The following TRIM37 variants were observed in gnomAD, a reference collection of about 807,000 sequenced individuals.
TRIM37 encodes tripartite motif containing 37, also known as E3 ubiquitin-protein ligase TRIM37.
A neutral mutation model predicts 129.8 loss-of-function variants in TRIM37; 80 were observed. That is an observed-to-expected ratio of 0.62 (90% CI 0.51 to 0.74). The LOEUF (loss-of-function observed/expected upper bound fraction) is 0.74, where lower values mean the gene tolerates loss of function less well. Among genes scored for constraint, TRIM37 ranks in the 30% least tolerant of loss-of-function variants. TRIM37 has a pLI of 0.00. For synonymous variants in TRIM37, 389 were observed against 387.1 expected (o/e 1.00, Z -0.06); for missense variants, 1,054 against 1,176.5 (o/e 0.90, Z 1.52).
intron 24 of TRIM37, among the ~76,000 whole-genome samples, chr17:58,990,319 T>TA (rs2144090130): frequency 6.7e-6 from 1 of 148,944 alleles, no homozygotes; most frequent in East Asian, 2.0e-4. Context: ...GGAGAAACCC[T>TA]ATCTCTACTA....
At chr17:59,068,435 A>G (rs1344616824) in intron 9 of TRIM37, among the ~76,000 whole-genome samples, 1 of 152,236 alleles carries the variant, frequency 6.6e-6, no homozygotes, top group Non-Finnish European at 1.5e-5. Flanking sequence ...GAATTGAAAA[A>G]TACTAATTTT....
chr17:58,969,326 C>A, the TRIM37 span: 1 of 660,114 alleles, frequency 1.5e-6, no homozygotes. Flanking sequence ...ATGACATGTT[C>A]CAGTGTTCTG....
At chr17:59,025,876 G>T (rs2037195886) in intron 19 of TRIM37, among the ~76,000 whole-genome samples, 1 of 152,114 alleles carries the variant, frequency 6.6e-6, no homozygotes, top group Non-Finnish European at 1.5e-5. Context: ...TGAATAGCAG[G>T]TGAGGCCGAA....
In TRIM37 at chr17:58,998,211, G is replaced by C. The variant is rs2033196145; in HGVS notation, c.*1166C>G. On this transcript the variant is annotated 3_prime_UTR_variant, in exon 24 of 24. Transcript: ENST00000262294. Reference sequence around the variant, plus strand: ...AAACAGCAGAGGCATATTTTCTCAAGTTGATTTTATTAACAAAAAGTGCAA... The same window carrying C: ...AAACAGCAGAGGCATATTTTCTCAACTTGATTTTATTAACAAAAAGTGCAA... 2 of 985,262 alleles carry C rather than the reference G, an allele frequency of 2.0e-6. No homozygotes were observed. Among genetic ancestry groups the C allele is most frequent in the African/African-American group, 1.7e-5 (1 of 57,252 alleles). The allele number at this position is 985,262 out of a possible 1,614,324, so 61.0% of individuals were successfully genotyped here.
chr17:59,080,255 T>C (rs1293756703), intron 6 of TRIM37, among the ~76,000 whole-genome samples: 2 of 152,224 alleles, frequency 1.3e-5, no homozygotes, highest in African/African-American at 4.8e-5. Flanking sequence ...TAGTATTTCA[T>C]TCTTGGGGGC....
chr17:59,057,008 T>C lies in TRIM37; in HGVS notation c.1066A>G (p.Thr356Ala), dbSNP rs1225120200. 2 of 1,613,852 alleles carry C rather than the reference T, an allele frequency of 1.2e-6. No homozygotes were observed. The highest frequency in any genetic ancestry group is 2.7e-5 in the African/African-American group (2 of 75,028). ...EMVHQSCNDP[T>A]KNIIREFASD... ...GCAAATTCTCGAATGATATTTTTTG[T>C]AGGATCATTACAGGACTGGTGAACC... Residue 356 changes from threonine (T) to alanine (A), a missense_variant, in exon 13 of 24, where the codon ACA becomes GCA. Thr to Ala is a moderately conservative substitution (Grantham distance 58, BLOSUM62 0). This residue lies in a region of TRIM37 where 752 missense variants were observed against 870.8 expected (regional missense o/e 0.86). Coordinates refer to ENST00000262294, the MANE Select transcript of TRIM37 (RefSeq NM_015294.6).
chr17:59,045,739 G>A (rs2039724662), intron 16 of TRIM37, among the ~76,000 whole-genome samples: 1 of 152,044 alleles, frequency 6.6e-6, no homozygotes, highest in Admixed American at 6.5e-5. Context: ...AAATCGCCAG[G>A]CACAGTGGCT....
rs958297966 is a variant in TRIM37 at position 59,086,989 on chromosome 17, T to C, written c.281+1302A>G. Among the ~76,000 whole-genome samples, 3 of 152,240 alleles carry C rather than the reference T, an allele frequency of 2.0e-5. No individual in the cohort carries two copies. In the East Asian group the frequency reaches 5.8e-4, roughly 29 times the overall value. ...AAGTGTTCACCAAAGAAATGTGCCA[T>C]TGTATAGAAAAGAAATTAAATAATT... On this transcript the variant is annotated intron_variant, in intron 4 of 23. Transcript: ENST00000262294.
Position 59,106,468 on chromosome 17 carries a change from C to T in TRIM37, c.-7G>A, listed in dbSNP as rs2046011696. 2 of 1,613,922 alleles carry T rather than the reference C, an allele frequency of 1.2e-6. No individual in the cohort carries two copies. The highest frequency in any genetic ancestry group is 1.7e-6 in the Non-Finnish European group (2 of 1,179,912). ...CCACGCTCTGTTCATCCATTGCCTCCGGCTCTCGGCGGGGCCGCTGGCGAC... is the reference window on the plus strand; with the variant it reads ...CCACGCTCTGTTCATCCATTGCCTCTGGCTCTCGGCGGGGCCGCTGGCGAC... On this transcript the variant is annotated 5_prime_UTR_variant, in exon 1 of 24. Transcript: ENST00000262294.
At chr17:59,000,814 C>T (rs192934746) in intron 23 of TRIM37, among the ~76,000 whole-genome samples, 1 of 152,160 alleles carries the variant, frequency 6.6e-6, no homozygotes, top group African/African-American at 2.4e-5. Flanking sequence ...AAAACCCAAA[C>T]ATCTGAAATC....
chr17:59,057,955 G>C (rs1032985522), intron 12 of TRIM37, among the ~76,000 whole-genome samples: 2 of 152,086 alleles, frequency 1.3e-5, no homozygotes, highest in Non-Finnish European at 2.9e-5. Flanking sequence ...GAATAAACAA[G>C]TAATTCAAAG....
intron 13 of TRIM37, among the ~76,000 whole-genome samples, chr17:59,055,359 A>T (rs1432074901): frequency 3.1e-5 from 4 of 131,050 alleles, no homozygotes; most frequent in Admixed American, 8.0e-5. Flanking sequence ...AAAAAAAAAA[A>T]TTGATGGTTT....
chr17:59,005,388 A>G (rs2144665691), intron 22 of TRIM37, among the ~76,000 whole-genome samples: 2 of 152,176 alleles, frequency 1.3e-5, no homozygotes, highest in Middle Eastern at 3.4e-3. Flanking sequence ...GGTTCAAGCA[A>G]TTCTCCTGTC....
In TRIM37 at chr17:59,057,007, G is replaced by C. The variant is rs368037486; in HGVS notation, c.1067C>G (p.Thr356Arg). The change falls in exon 13 of 24, where the codon ACA becomes AGA. Residue 356 changes from threonine (T) to arginine (R), a missense_variant. Thr to Arg is a moderately conservative substitution (Grantham distance 71, BLOSUM62 -1). This residue lies in a region of TRIM37 where 752 missense variants were observed against 870.8 expected (regional missense o/e 0.86). Transcript: ENST00000262294. ...EMVHQSCNDP[T>R]KNIIREFASD... The stretch of plus-strand genomic sequence containing the variant: ...TGCAAATTCTCGAATGATATTTTTT[G>C]TAGGATCATTACAGGACTGGTGAAC... The C allele has an allele frequency of 2.5e-6, 4 of 1,613,674 alleles. No homozygotes were observed. Among genetic ancestry groups the C allele is most frequent in the Non-Finnish European group, 3.4e-6 (4 of 1,179,836 alleles).
the TRIM37 span, chr17:58,969,853 TCA>T: frequency 1.1e-6 from 1 of 891,262 alleles, no homozygotes; most frequent in Non-Finnish European, 1.7e-6. Flanking sequence ...TATTCTTGAC[TCA>T]CAGTATTGGA....
At chr17:59,046,531 T>C (rs1419474244) in intron 16 of TRIM37, among the ~76,000 whole-genome samples, 1 of 148,690 alleles carries the variant, frequency 6.7e-6, no homozygotes, top group Non-Finnish European at 1.5e-5. Flanking sequence ...GTATTAGTCA[T>C]GAAAAACAGT....
At chr17:59,056,495 C>T (rs551802017) in intron 13 of TRIM37, among the ~76,000 whole-genome samples, 30 of 151,712 alleles carry the variant, frequency 2.0e-4, no homozygotes, top group Admixed American at 6.6e-4. Context: ...TTTGGGAGGC[C>T]GAGGCGGGCG....
chr17:59,058,886 G>A (rs564335943), intron 12 of TRIM37, among the ~76,000 whole-genome samples: 179 of 151,926 alleles, frequency 1.2e-3, no homozygotes, highest in Non-Finnish European at 2.0e-3. Context: ...AGTATACATT[G>A]GGAAAGCCAA....
chr17:59,082,932 C>G (rs1327980663), intron 5 of TRIM37, among the ~76,000 whole-genome samples: 1 of 152,156 alleles, frequency 6.6e-6, no homozygotes, highest in East Asian at 1.9e-4. Context: ...GCAGAAAGCT[C>G]TGAATTGAGC....
Sources: allele counts gnomAD v4.1 joint callset (sites outside exome capture counted in the v4.1 genomes callset), GRCh38; gene constraint gnomAD v4.1.1; regional missense constraint gnomAD v4.1.1; transcripts MANE v1.5; gene names NCBI Gene and HGNC (gene_info 2026-07-23, HGNC 2026-07-21).